CNTN4: variants seen among roughly 807,000 people sequenced by gnomAD.
CNTN4 encodes the protein contactin-4.
CNTN4 carries 77 observed loss-of-function variants against 122.5 expected under a neutral mutation model. The observed-to-expected ratio is 0.63, with a 90% CI of 0.52 to 0.76. CNTN4 has a LOEUF of 0.76. Ranked by LOEUF, CNTN4 falls within the 30% of genes least tolerant of loss-of-function variation. CNTN4 has a pLI of 0.00. For synonymous variants in CNTN4, 512 were observed against 447.0 expected (o/e 1.15, Z -1.83); for missense variants, 1,256 against 1,259.1 (o/e 1.00, Z 0.04).
chr3:2,183,114 T>C (rs1403645628), intron 2 of CNTN4, among the ~76,000 whole-genome samples: 1 of 152,164 alleles, frequency 6.6e-6, no homozygotes, highest in Non-Finnish European at 1.5e-5. Context: ...ATTTTCAAAA[T>C]ATATCCAGAA....
chr3:2,560,709 C>T (rs940494314), intron 3 of CNTN4, among the ~76,000 whole-genome samples: 1 of 152,126 alleles, frequency 6.6e-6, no homozygotes, highest in Non-Finnish European at 1.5e-5. Flanking sequence ...GATACTGTTG[C>T]ATTTGTGCAC....
At chr3:2,952,798 T>C (rs1193817588) in intron 13 of CNTN4, among the ~76,000 whole-genome samples, 1 of 152,216 alleles carries the variant, frequency 6.6e-6, no homozygotes, top group Non-Finnish European at 1.5e-5. Flanking sequence ...TCTAGTATTC[T>C]AATTAGAATG....
intron 19 of CNTN4, chr3:3,039,827 T>A (rs538163503): frequency 1.2e-5 from 7 of 563,552 alleles, no homozygotes; most frequent in African/African-American, 1.1e-4. Context: ...GGACTGCAGA[T>A]CCTCATTACG....
At chr3:2,751,877 G>A (rs1326528501) in intron 6 of CNTN4, among the ~76,000 whole-genome samples, 1 of 152,010 alleles carries the variant, frequency 6.6e-6, no homozygotes, top group African/African-American at 2.4e-5. Flanking sequence ...GGCTTGAGAA[G>A]ATGAGATGTT....
At chr3:2,351,158 A>G (rs1248193943) in intron 3 of CNTN4, among the ~76,000 whole-genome samples, 1 of 152,212 alleles carries the variant, frequency 6.6e-6, no homozygotes, top group Non-Finnish European at 1.5e-5. Context: ...AGTCATAGTT[A>G]TAGTTCTCCA....
chr3:2,806,941 G>A (rs1057147636), intron 6 of CNTN4, among the ~76,000 whole-genome samples: 8 of 151,914 alleles, frequency 5.3e-5, no homozygotes, highest in Admixed American at 1.3e-4. Context: ...TCCCCTATCC[G>A]GTTTCTCTAG....
intron 6 of CNTN4, among the ~76,000 whole-genome samples, chr3:2,781,973 T>TA (rs1465959036): frequency 1.3e-5 from 2 of 151,198 alleles, no homozygotes; most frequent in Admixed American, 1.3e-4. Flanking sequence ...TCCCCCCGCC[T>TA]CGGCCTCCCA....
At chr3:2,451,902 T>C (rs550730220) in intron 3 of CNTN4, among the ~76,000 whole-genome samples, 1 of 152,280 alleles carries the variant, frequency 6.6e-6, no homozygotes, top group East Asian at 1.9e-4. Flanking sequence ...TTCCCTCACA[T>C]TCCAAAAACA....
intron 6 of CNTN4, among the ~76,000 whole-genome samples, chr3:2,789,156 C>T (rs2091929464): frequency 1.3e-5 from 2 of 152,142 alleles, no homozygotes; most frequent in Admixed American, 1.3e-4. Context: ...ATAAGCATAG[C>T]AAATGAAATA....
chr3:2,620,469 C>T (rs1178368891), intron 4 of CNTN4, among the ~76,000 whole-genome samples: 1 of 151,672 alleles, frequency 6.6e-6, no homozygotes, highest in African/African-American at 2.4e-5. Context: ...CACTGTGCTC[C>T]AGCCTGGGGA....
chr3:2,506,779 T>A (rs974621655), intron 3 of CNTN4, among the ~76,000 whole-genome samples: 1 of 152,078 alleles, frequency 6.6e-6, no homozygotes, highest in Non-Finnish European at 1.5e-5. Flanking sequence ...ACTTTGCCTA[T>A]GAGTTGTGTG....
intron 3 of CNTN4, among the ~76,000 whole-genome samples, chr3:2,437,729 T>C (rs1454474661): frequency 6.6e-6 from 1 of 152,238 alleles, no homozygotes; most frequent in Non-Finnish European, 1.5e-5. Context: ...AGGTGGCTTC[T>C]AGTACACACT....
chr3:2,473,946 G>A (rs1259841210), intron 3 of CNTN4, among the ~76,000 whole-genome samples: 2 of 151,550 alleles, frequency 1.3e-5, no homozygotes, highest in Non-Finnish European at 2.9e-5. Context: ...CGGGGGAGGC[G>A]AAGGTTGTGG....
In CNTN4 at chr3:3,030,987, T is replaced by G. The variant is rs766394540; in HGVS notation, c.1783+12T>G. The G allele has an allele frequency of 7.7e-5, 125 of 1,613,840 alleles. No homozygotes were observed. The highest frequency in any genetic ancestry group is 1.0e-4 in the Non-Finnish European group (118 of 1,179,834). On this transcript the variant is annotated intron_variant, in intron 16 of 24. Coordinates refer to ENST00000418658, the MANE Select transcript of CNTN4 (RefSeq NM_175607.3). ...CCTGATTGTAAGAGGTACTGGATTT[T>G]GTTGTTATTGTTGTTCTTGAAATAT...
chr3:2,786,687 G>T (rs2091846298), intron 6 of CNTN4, among the ~76,000 whole-genome samples: 1 of 152,158 alleles, frequency 6.6e-6, no homozygotes, highest in East Asian at 1.9e-4. Context: ...TCATGTTCTG[G>T]AAATTTTTTT....
intron 2 of CNTN4, among the ~76,000 whole-genome samples, chr3:2,258,193 C>G (rs1328924902): frequency 6.6e-6 from 1 of 152,136 alleles, no homozygotes; most frequent in African/African-American, 2.4e-5. Context: ...GGCAATTCCT[C>G]AAGGATCTAG....
At chr3:2,118,039 G>A (rs2033481783) in intron 2 of CNTN4, among the ~76,000 whole-genome samples, 1 of 152,120 alleles carries the variant, frequency 6.6e-6, no homozygotes, top group African/African-American at 2.4e-5. Flanking sequence ...AAATGCATTG[G>A]TTGTCTAAGT....
At chr3:2,233,015 G>A (rs147133162) in intron 2 of CNTN4, among the ~76,000 whole-genome samples, 10 of 152,260 alleles carry the variant, frequency 6.6e-5, no homozygotes, top group Non-Finnish European at 1.2e-4. Flanking sequence ...ATAGAAATCT[G>A]AGTGCATGCA....
Position 2,346,401 on chromosome 3 carries a change from C to T in CNTN4, c.-89+7168C>T, listed in dbSNP as rs974173954. Among the ~76,000 whole-genome samples, 3 of 151,954 alleles carry T rather than the reference C, an allele frequency of 2.0e-5. No individual in the cohort carries two copies. In the East Asian group the frequency reaches 5.8e-4, roughly 29 times the overall value. Reference sequence around the variant, plus strand: ...TTAGTAATTATTATTATATTTAATACATTCAGGTTTTAACTTACATAGATT... The same window carrying T: ...TTAGTAATTATTATTATATTTAATATATTCAGGTTTTAACTTACATAGATT... On this transcript the variant is annotated intron_variant, in intron 3 of 24. Coordinates refer to ENST00000418658, the MANE Select transcript of CNTN4 (RefSeq NM_175607.3).
Sources: allele counts gnomAD v4.1 joint callset (sites outside exome capture counted in the v4.1 genomes callset), GRCh38; gene constraint gnomAD v4.1.1; transcripts MANE v1.5; gene names NCBI Gene and HGNC (gene_info 2026-07-23, HGNC 2026-07-21).